CCDC18: variants seen among roughly 807,000 people sequenced by gnomAD.
CCDC18 encodes coiled-coil domain-containing protein 18.
Under a neutral mutation model 196.0 loss-of-function variants are expected in CCDC18, and 157 were observed. That is an observed-to-expected ratio of 0.80 (90% CI 0.70 to 0.91). The LOEUF (loss-of-function observed/expected upper bound fraction) is 0.91. Among genes scored for constraint, CCDC18 ranks in the 40% least tolerant of loss-of-function variants. The probability of loss-of-function intolerance (pLI) is 0.00; values close to 1 mark genes in which losing one functional copy is unlikely to be tolerated. For synonymous variants in CCDC18, 482 were observed against 529.2 expected (o/e 0.91, Z 1.22); for missense variants, 1,465 against 1,611.6 (o/e 0.91, Z 1.56).
intron 9 of CCDC18, among the ~76,000 whole-genome samples, chr1:93,210,167 T>A (rs768196234): frequency 5.3e-5 from 8 of 152,222 alleles, no homozygotes; most frequent in Non-Finnish European, 1.0e-4. Context: ...TTTTTTCTAC[T>A]TCTAGGAGGT....
At chr1:93,197,813 G>A (rs1359770331) in intron 6 of CCDC18, among the ~76,000 whole-genome samples, 8 of 142,892 alleles carry the variant, frequency 5.6e-5, no homozygotes, top group South Asian at 4.5e-4. Context: ...GTGCAGTGGC[G>A]CGATCTCGGC....
intron 9 of CCDC18, among the ~76,000 whole-genome samples, chr1:93,209,314 C>A (rs1655237056): frequency 6.6e-6 from 1 of 151,856 alleles, no homozygotes; most frequent in East Asian, 1.9e-4. Flanking sequence ...ATATTTGTGA[C>A]CATATATATA....
In CCDC18 at chr1:93,246,111, C is replaced by G; in HGVS notation, c.2988C>G (p.Cys996Trp). The change falls in exon 22 of 29, where the codon TGC (cysteine) becomes TGG (tryptophan). Residue 996 changes from cysteine (C) to tryptophan (W), a missense_variant. By Grantham distance (215) the Cys-to-Trp change is radical. Coordinates refer to ENST00000690025, the MANE Select transcript of CCDC18 (RefSeq NM_001378204.1). ...IKDLTAELRE[C>W]KMEIEDKKQE... ...TTCCTTTGATAAATTGTAGAGAATG[C>G]AAGATGGAGATTGAAGACAAAAAGC... 6.3e-7 allele frequency: 1 copy of G among 1,594,166 alleles called. No homozygotes were observed. The highest frequency in any genetic ancestry group is 1.1e-5 in the South Asian group (1 of 88,056).
Position 93,180,745 on chromosome 1 carries a change from G to T in CCDC18, c.-110G>T. ...CGGCGGTTCGAATTCTGTGCTGCCG[G>T]GGTTCGCTGGTTCTCCGAGTTGTGT... On this transcript the variant is annotated 5_prime_UTR_variant, in exon 1 of 29. Transcript: ENST00000690025. 2.2e-6 allele frequency: 3 copies of T among 1,366,990 alleles called. No individual in the cohort carries two copies. Among genetic ancestry groups the T allele is most frequent in the Non-Finnish European group, 2.9e-6 (3 of 1,021,644 alleles). 84.7% of individuals were successfully genotyped at this position (1,366,990 alleles called of 1,614,324 possible). A position where few individuals can be genotyped will look rare whatever the true frequency, so the allele number is the denominator to read the frequency against.
chr1:93,234,907 C>G (rs1034817174), intron 18 of CCDC18, among the ~76,000 whole-genome samples: 6 of 147,644 alleles, frequency 4.1e-5, no homozygotes, highest in African/African-American at 1.5e-4. Flanking sequence ...CTTCTGCCTT[C>G]CAAGTGCATA....
In CCDC18 at chr1:93,184,088, A is replaced by C. The variant is rs372664396; in HGVS notation, c.245A>C (p.Glu82Ala). 3 of 1,575,790 alleles carry C rather than the reference A, an allele frequency of 1.9e-6. No homozygotes were observed. Among genetic ancestry groups the C allele is most frequent in the Non-Finnish European group, 2.6e-6 (3 of 1,157,062 alleles). ...GGACTTTTGAATTATTCACCTTATG[A>C]AAACGTCTGTAAAATATCTGGTAGC... ...HPGLLNYSPY[E>A]NVCKISGSST... Residue 82 changes from glutamate (E) to alanine (A), a missense_variant, in exon 3 of 29, where the codon GAA (glutamate) becomes GCA (alanine). Physicochemically the swap from Glu to Ala is moderately radical, Grantham distance 107. Transcript: ENST00000690025.
chr1:93,210,354 A>C (rs780563615), intron 9 of CCDC18, among the ~76,000 whole-genome samples: 14 of 152,174 alleles, frequency 9.2e-5, no homozygotes, highest in Non-Finnish European at 1.9e-4. Flanking sequence ...GTTTTTTTAG[A>C]ATAAAATTTT....
At position 93,264,686 on chromosome 1, in the gene CCDC18, T is replaced by A. The variant is rs771308504; in HGVS notation, c.3685-15T>A. On this transcript the variant is annotated splice_polypyrimidine_tract_variant and intron_variant, in intron 26 of 28. Coordinates refer to ENST00000690025, the MANE Select transcript of CCDC18 (RefSeq NM_001378204.1). The stretch of plus-strand genomic sequence containing the variant: ...TTTTTTATTTTTTTTCTTTTCCAAT[T>A]CTGGGGCTATATAGATGATTTCACA... 21 of 1,511,548 alleles carry A rather than the reference T, an allele frequency of 1.4e-5. No individual in the cohort carries two copies. Among genetic ancestry groups the A allele is most frequent in the Non-Finnish European group, 1.9e-5 (21 of 1,106,506 alleles). The allele number at this position is 1,511,548 out of a possible 1,614,324, so 93.6% of individuals were successfully genotyped here. A position where few individuals can be genotyped will look rare whatever the true frequency, so the allele number is the denominator to read the frequency against.
At chr1:93,266,676 A>G (rs989309562) in intron 27 of CCDC18, among the ~76,000 whole-genome samples, 2 of 152,242 alleles carry the variant, frequency 1.3e-5, no homozygotes, top group Non-Finnish European at 2.9e-5. Context: ...CTCTACACAA[A>G]TAAACTAGAA....
intron 27 of CCDC18, among the ~76,000 whole-genome samples, chr1:93,265,368 C>T (rs1664355792): frequency 6.6e-6 from 1 of 152,144 alleles, no homozygotes; most frequent in Admixed American, 6.5e-5. Flanking sequence ...ACGTTCACAA[C>T]AGTGACCTTC....
At chr1:93,225,646 G>A (rs1658149913) in intron 16 of CCDC18, among the ~76,000 whole-genome samples, 1 of 151,982 alleles carries the variant, frequency 6.6e-6, no homozygotes, top group East Asian at 1.9e-4. Context: ...ACATGGTGGT[G>A]CATACCTGTA....
intron 23 of CCDC18, among the ~76,000 whole-genome samples, chr1:93,250,378 C>CAAAAAAAA (rs71094242): frequency 4.5e-5 from 4 of 89,402 alleles, no homozygotes; most frequent in African/African-American, 1.1e-4. Flanking sequence ...GAGACCCTGT[C>CAAAAAAAA]AAAAAAAAAA....
At chr1:93,243,156 A>G (rs575842669) in intron 21 of CCDC18, among the ~76,000 whole-genome samples, 12 of 152,216 alleles carry the variant, frequency 7.9e-5, no homozygotes, top group Non-Finnish European at 1.3e-4. Flanking sequence ...GAGGTTCTCC[A>G]TGAAGCCCTG....
At chr1:93,252,217 T>A (rs777988545) in intron 23 of CCDC18, among the ~76,000 whole-genome samples, 1 of 151,876 alleles carries the variant, frequency 6.6e-6, no homozygotes, top group Non-Finnish European at 1.5e-5. Context: ...AAAAAAAAAT[T>A]TATTTTAAGT....
At chr1:93,246,235 GTTT>G (rs754799113) in intron 22 of CCDC18, 31 bp downstream of exon 22, 2 of 1,486,306 alleles carry the variant, frequency 1.3e-6, no homozygotes, top group Non-Finnish European at 1.8e-6. Context: ...TTTTAATGGA[GTTT>G]TCTGTTATGA....
At chr1:93,234,168 T>C (rs1447676384) in intron 18 of CCDC18, among the ~76,000 whole-genome samples, 1 of 152,078 alleles carries the variant, frequency 6.6e-6, no homozygotes, top group African/African-American at 2.4e-5. Flanking sequence ...TTTTTTCTTT[T>C]TTTTCTCTTT....
At chr1:93,249,882 T>G (rs1385539041) in intron 23 of CCDC18, among the ~76,000 whole-genome samples, 1 of 152,194 alleles carries the variant, frequency 6.6e-6, no homozygotes, top group Non-Finnish European at 1.5e-5. Flanking sequence ...CTCTTGGTAC[T>G]GCATTCACAG....
intron 13 of CCDC18, 95 bp from the exon 14 acceptor site, chr1:93,217,643 T>G: frequency 9.7e-7 from 1 of 1,030,130 alleles, no homozygotes; most frequent in Non-Finnish European, 1.4e-6. Context: ...CTTGCCGTGT[T>G]TCCCAGGCTA....
intron 11 of CCDC18, among the ~76,000 whole-genome samples, chr1:93,214,239 T>A (rs1421751319): frequency 6.6e-6 from 1 of 152,138 alleles, no homozygotes; most frequent in Non-Finnish European, 1.5e-5. Context: ...TAATTTTTTT[T>A]AAAGCATCAC....
Sources: gnomAD v4.1 joint callset for allele counts (sites outside exome capture counted in the v4.1 genomes callset) on GRCh38, gnomAD v4.1.1 for gene constraint, MANE v1.5 for transcripts, NCBI Gene and HGNC (gene_info 2026-07-23, HGNC 2026-07-21) for gene names.